Variants in TCTN1 observed in about 807,000 individuals in gnomAD.
The protein encoded by TCTN1 is tectonic-1.
Under a neutral mutation model 65.8 loss-of-function variants are expected in TCTN1, and 58 were observed. That is an observed-to-expected ratio of 0.88 (90% CI 0.71 to 1.10). The LOEUF (loss-of-function observed/expected upper bound fraction) is 1.10, where lower values mean the gene tolerates loss of function less well. Among genes scored for constraint, TCTN1 ranks in the 50% least tolerant of loss-of-function variants. The pLI is 0.00. For missense variants in TCTN1, 645 were observed against 719.4 expected (o/e 0.90, Z 1.18); for synonymous variants, 273 against 289.1 (o/e 0.94, Z 0.57).
At chr12:110,619,802 G>T (rs777718043) in intron 1 of TCTN1, 34 bp from the exon 2 acceptor site, 6 of 1,613,672 alleles carry the variant, frequency 3.7e-6, no homozygotes, top group Non-Finnish European at 3.4e-6. Flanking sequence ...TGCTGATGGT[G>T]ATGTTCTGGA....
Position 110,644,729 on chromosome 12 carries a change from G to A in TCTN1, c.1332-238G>A, listed in dbSNP as rs1295741827. 10 of 568,458 alleles carry A rather than the reference G, an allele frequency of 1.8e-5. No individual in the cohort carries two copies. The Admixed American group carries it at 2.8e-4, about 16-fold the overall frequency. The allele number at this position is 568,458 out of a possible 1,614,324, so 35.2% of individuals were successfully genotyped here. A position where few individuals can be genotyped will look rare whatever the true frequency, so the allele number is the denominator to read the frequency against. ...AAACTTAAAAAACAAAAAACTGCTGGTGGGCTGGGTGTGGTGGCTCACTCC... is the reference window on the plus strand; with the variant it reads ...AAACTTAAAAAACAAAAAACTGCTGATGGGCTGGGTGTGGTGGCTCACTCC... On this transcript the variant is annotated intron_variant, in intron 11 of 14. Coordinates refer to ENST00000397659, the MANE Select transcript of TCTN1 (RefSeq NM_001082538.3). The surrounding 1 kb of genome is among the most constrained non-coding windows in gnomAD (Gnocchi z 4.6).
At chr12:110,643,891 C>T (rs1196899611) in intron 11 of TCTN1, 6 of 152,156 alleles carry the variant, frequency 3.9e-5, no homozygotes, top group South Asian at 2.1e-4. Flanking sequence ...AGGCTGGTCT[C>T]GAACTCCTGG....
At position 110,614,136 on chromosome 12, in the gene TCTN1, G is replaced by C; in HGVS notation, c.-47G>C. ...CCGCGCCTGGCTGTCGCGGTTGCCGGGCAACGCGCTGTCCATGTCGCGGGC... is the reference window on the plus strand; with the variant it reads ...CCGCGCCTGGCTGTCGCGGTTGCCGCGCAACGCGCTGTCCATGTCGCGGGC... On this transcript the variant is annotated 5_prime_UTR_variant, in exon 1 of 15. Coordinates refer to ENST00000397659, the MANE Select transcript of TCTN1 (RefSeq NM_001082538.3). The C allele has an allele frequency of 6.5e-7, 1 of 1,540,934 alleles. No homozygotes were observed. Among genetic ancestry groups the C allele is most frequent in the Non-Finnish European group, 8.7e-7 (1 of 1,144,744 alleles).
Position 110,614,174 on chromosome 12 carries a change from C to T in TCTN1, c.-9C>T. 1.9e-6 allele frequency: 3 copies of T among 1,550,530 alleles called. No individual in the cohort carries two copies. The highest frequency in any genetic ancestry group is 2.6e-6 in the Non-Finnish European group (3 of 1,148,240). On this transcript the variant is annotated 5_prime_UTR_variant, in exon 1 of 15. Transcript: ENST00000397659. Reference sequence around the variant, plus strand: ...CCATGTCGCGGGCCTCGCTGGGACTCCCTGGGAGATGAGGCCGCGAGGTCT... The same window carrying T: ...CCATGTCGCGGGCCTCGCTGGGACTTCCTGGGAGATGAGGCCGCGAGGTCT...
At chr12:110,618,025 A>T (rs2135881389) in intron 1 of TCTN1, among the ~76,000 whole-genome samples, 1 of 150,252 alleles carries the variant, frequency 6.7e-6, no homozygotes, top group East Asian at 2.0e-4. Flanking sequence ...CACTAGCAGC[A>T]TTTGCTTCAG....
chr12:110,636,582 T>C (rs2066584954), intron 7 of TCTN1, 81 bp downstream of exon 7: 4 of 876,756 alleles, frequency 4.6e-6, no homozygotes, highest in South Asian at 4.3e-5. Context: ...TTTAAATGAA[T>C]ACAGTTACAA....
chr12:110,648,604 A>AAATC (rs1454592199), intron 14 of TCTN1: 2 of 159,702 alleles, frequency 1.3e-5, no homozygotes, highest in Admixed American at 1.3e-4. Flanking sequence ...ATATTAGATA[A>AAATC]AATCATGCGA....
chr12:110,614,605 C>T (rs1263186814), intron 1 of TCTN1: 3 of 1,136,768 alleles, frequency 2.6e-6, no homozygotes, highest in Admixed American at 2.0e-5. Flanking sequence ...ATGAGAAAAC[C>T]GGGTCTCAGA....
At chr12:110,648,512 T>TTGAG (rs1176717526) in intron 14 of TCTN1, among the ~76,000 whole-genome samples, 117 of 152,292 alleles carry the variant, frequency 7.7e-4, no homozygotes, top group African/African-American at 2.6e-3. Context: ...ATCCCCTGCT[T>TTGAG]TGAGTTATTT....
intron 1 of TCTN1, chr12:110,616,195 A>G (rs1447208601): frequency 5.1e-6 from 2 of 388,658 alleles, no homozygotes; most frequent in Non-Finnish European, 1.0e-5. Context: ...TTATTATAGC[A>G]TGTGTTCAAG....
chr12:110,621,503 T>C (rs887352684), intron 2 of TCTN1, among the ~76,000 whole-genome samples: 2 of 151,196 alleles, frequency 1.3e-5, no homozygotes, highest in East Asian at 2.0e-4. Flanking sequence ...GACAGAGTCT[T>C]GCTCTGTTGC....
chr12:110,632,683 T>A, intron 5 of TCTN1, 124 bp downstream of exon 5: 1 of 944,968 alleles, frequency 1.1e-6, no homozygotes, highest in Non-Finnish European at 1.7e-6. Flanking sequence ...TGCACCAACT[T>A]AATACTTTAC....
chr12:110,640,634 C>T lies in TCTN1; in HGVS notation c.978+117C>T, dbSNP rs999139522. 7.1e-7 allele frequency: 1 copy of T among 1,414,754 alleles called. No homozygotes were observed. Among genetic ancestry groups the T allele is most frequent in the African/African-American group, 1.4e-5 (1 of 71,088 alleles). The allele number at this position is 1,414,754 out of a possible 1,614,324, so 87.6% of individuals were successfully genotyped here. A position where few individuals can be genotyped will look rare whatever the true frequency, so the allele number is the denominator to read the frequency against. On this transcript the variant is annotated intron_variant, in intron 8 of 14. Coordinates refer to ENST00000397659, the MANE Select transcript of TCTN1 (RefSeq NM_001082538.3). The surrounding 1 kb of genome is among the most constrained non-coding windows in gnomAD (Gnocchi z 4.9). ...TGTCCCAGCCCATGGTGTGGCTTTT[C>T]TTGGCTCAGCTGCCTGCTTGTCTTT... is the stretch of plus-strand genomic sequence containing the variant.
intron 12 of TCTN1, chr12:110,646,726 T>A (rs939373187): frequency 9.2e-6 from 2 of 218,272 alleles, no homozygotes; most frequent in African/African-American, 4.7e-5. Flanking sequence ...TGCCAATTGA[T>A]GAAATTAGGT....
intron 1 of TCTN1, 117 bp downstream of exon 1, chr12:110,614,519 C>T (rs2064900389): frequency 6.6e-7 from 1 of 1,525,504 alleles, no homozygotes; most frequent in Non-Finnish European, 8.8e-7. Flanking sequence ...TGTGCAGACA[C>T]TGCTGAGTGT....
chr12:110,629,249 A>G (rs1426725837), intron 4 of TCTN1: 3 of 431,698 alleles, frequency 6.9e-6, no homozygotes, highest in Non-Finnish European at 1.2e-5. Context: ...GACAAATGGG[A>G]TCTAATTAAA....
intron 1 of TCTN1, among the ~76,000 whole-genome samples, chr12:110,615,126 A>G (rs2064944899): frequency 6.6e-6 from 1 of 152,154 alleles, no homozygotes; most frequent in African/African-American, 2.4e-5. Context: ...CCCAGTCTCT[A>G]CTAAAAATAG....
At chr12:110,645,150 G>T in intron 12 of TCTN1, 21 bp downstream of exon 12, 1 of 1,613,114 alleles carries the variant, frequency 6.2e-7, no homozygotes, top group East Asian at 2.2e-5. Flanking sequence ...GAAGGTACAG[G>T]TTCCATGCTA....
chr12:110,631,115 T>C (rs1041179746), intron 4 of TCTN1, among the ~76,000 whole-genome samples: 1 of 152,128 alleles, frequency 6.6e-6, no homozygotes, highest in African/African-American at 2.4e-5. Context: ...TGCAGGCACC[T>C]GCCATCATGA....
Sources: gnomAD v4.1 joint callset for allele counts (sites outside exome capture counted in the v4.1 genomes callset) on GRCh38, gnomAD v4.1.1 for gene constraint, Gnocchi (gnomAD v3.1) non-coding constraint, MANE v1.5 for transcripts, NCBI Gene and HGNC (gene_info 2026-07-23, HGNC 2026-07-21) for gene names.